L3MBTL4: variants seen among roughly 807,000 people sequenced by gnomAD.
L3MBTL4 encodes the protein lethal(3)malignant brain tumor-like protein 4.
L3MBTL4 carries 70 observed loss-of-function variants against 84.5 expected under a neutral mutation model. That is an observed-to-expected ratio of 0.83 (90% confidence interval 0.68 to 1.01). The LOEUF (loss-of-function observed/expected upper bound fraction) is 1.01. Among genes scored for constraint, L3MBTL4 ranks in the 50% least tolerant of loss-of-function variants. L3MBTL4 has a pLI of 0.00. For synonymous variants in L3MBTL4, 274 were observed against 259.8 expected, an observed-to-expected ratio of 1.05 and a Z score of -0.52; for missense variants, 715 against 754.8, an observed-to-expected ratio of 0.95 and a Z score of 0.62.
intron 1 of L3MBTL4, among the ~76,000 whole-genome samples, chr18:6,411,530 T>G (rs1457697589): frequency 6.6e-6 from 1 of 152,196 alleles, no homozygotes; most frequent in Non-Finnish European, 1.5e-5. Flanking sequence ...TATTAGCAAC[T>G]GACAAGACTA....
chr18:6,100,451 T>C (rs1598746751), intron 14 of L3MBTL4, among the ~76,000 whole-genome samples: 1 of 152,238 alleles, frequency 6.6e-6, no homozygotes, highest in Admixed American at 6.5e-5. Context: ...AAGAGCTGCT[T>C]TAATTCTTGT....
chr18:6,083,180 C>G (rs1229461356), intron 15 of L3MBTL4, among the ~76,000 whole-genome samples: 1 of 152,160 alleles, frequency 6.6e-6, no homozygotes, highest in African/African-American at 2.4e-5. Context: ...GTACAGTTTA[C>G]TGATTATTTA....
intron 16 of L3MBTL4, among the ~76,000 whole-genome samples, chr18:6,051,623 C>T (rs976617451): frequency 7.9e-5 from 12 of 152,026 alleles, no homozygotes; most frequent in Admixed American, 7.9e-4. Context: ...TGATTGCGGC[C>T]CTTTCTTCAA....
At chr18:6,319,962 T>A (rs2051316621) in intron 1 of L3MBTL4, among the ~76,000 whole-genome samples, 3 of 152,148 alleles carry the variant, frequency 2.0e-5, no homozygotes, top group African/African-American at 7.2e-5. Flanking sequence ...GTGGGTTTTA[T>A]TCCAGAGACG....
chr18:6,393,345 G>C (rs191607261), intron 1 of L3MBTL4, among the ~76,000 whole-genome samples: 14 of 152,246 alleles, frequency 9.2e-5, no homozygotes. Flanking sequence ...CTGAGTCCAG[G>C]CTCCTGGATT....
At chr18:6,239,307 C>G (rs1183837808) in intron 9 of L3MBTL4, among the ~76,000 whole-genome samples, 1 of 145,308 alleles carries the variant, frequency 6.9e-6, no homozygotes, top group Non-Finnish European at 1.5e-5. Flanking sequence ...CGCCACTGCA[C>G]TCCAGCCTGG....
intron 1 of L3MBTL4, chr18:6,367,787 C>G (rs777261062): frequency 1.3e-5 from 2 of 152,376 alleles, no homozygotes; most frequent in South Asian, 4.2e-4. Flanking sequence ...CTAATGGTCA[C>G]AAAGGATGGT....
intron 16 of L3MBTL4, among the ~76,000 whole-genome samples, chr18:5,998,248 G>C (rs115542741): frequency 0.021 from 3,163 of 152,232 alleles, 113 homozygotes; most frequent in African/African-American, 0.073. Flanking sequence ...CACTTCATCT[G>C]AAAGAATTAC....
intron 4 of L3MBTL4, among the ~76,000 whole-genome samples, chr18:6,289,805 T>A (rs1358158913): frequency 6.6e-6 from 1 of 152,166 alleles, no homozygotes; most frequent in African/African-American, 2.4e-5. Flanking sequence ...TCATGCAGTA[T>A]AACTTGATTC....
intron 4 of L3MBTL4, among the ~76,000 whole-genome samples, chr18:6,266,522 C>T (rs1377760791): frequency 6.6e-6 from 1 of 152,160 alleles, no homozygotes; most frequent in Non-Finnish European, 1.5e-5. Context: ...TAAGATGCAC[C>T]TCTCACTAGA....
At chr18:6,106,652 A>G (rs1376880768) in intron 14 of L3MBTL4, among the ~76,000 whole-genome samples, 3 of 152,236 alleles carry the variant, frequency 2.0e-5, no homozygotes, top group African/African-American at 7.2e-5. Context: ...AAAAGGCTTT[A>G]AAGCTCTATC....
rs573785076 is a variant in L3MBTL4, at chr18:5,977,914, C to T, written c.1445-8352G>A. On this transcript the variant is annotated intron_variant, in intron 16 of 18. Transcript: ENST00000317931. ...CCCTGGGTACCCTGCCACTGGCTACCCTTTATGGAAATTGTCCATTTATTT... is the reference window on the plus strand; with the variant it reads ...CCCTGGGTACCCTGCCACTGGCTACTCTTTATGGAAATTGTCCATTTATTT... Among the ~76,000 whole-genome samples, 7 of 152,292 alleles carry T rather than the reference C, an allele frequency of 4.6e-5. No individual in the cohort carries two copies. The East Asian group carries it at 1.4e-3, about 29-fold the overall frequency.
chr18:6,321,383 G>GA (rs377632149), intron 1 of L3MBTL4, among the ~76,000 whole-genome samples: 3 of 152,088 alleles, frequency 2.0e-5, no homozygotes, highest in South Asian at 2.1e-4. Flanking sequence ...AAGTCAGCAA[G>GA]AAAAAAACAA....
chr18:6,301,004 G>C (rs764289931), intron 4 of L3MBTL4, among the ~76,000 whole-genome samples: 8 of 152,040 alleles, frequency 5.3e-5, no homozygotes, highest in Non-Finnish European at 1.0e-4. Context: ...CCACCCATTT[G>C]TTTAAAATAA....
chr18:6,299,726 G>C (rs2050251711), intron 4 of L3MBTL4, among the ~76,000 whole-genome samples: 1 of 152,138 alleles, frequency 6.6e-6, no homozygotes, highest in African/African-American at 2.4e-5. Context: ...CTGGAGTGCA[G>C]GGACAAGATC....
chr18:6,190,269 G>C (rs2045008793), intron 12 of L3MBTL4, among the ~76,000 whole-genome samples: 1 of 152,186 alleles, frequency 6.6e-6, no homozygotes. Context: ...CTCTGGAAAG[G>C]TATGGGAAAG....
intron 16 of L3MBTL4, chr18:6,030,082 G>A (rs1295497754): frequency 2.0e-6 from 2 of 984,176 alleles, no homozygotes; most frequent in African/African-American, 3.5e-5. Flanking sequence ...ATTGCTAAAG[G>A]ACACGAGGAA....
At chr18:6,322,496 A>AGGAAGGAAGGAG (rs2051471198) in intron 1 of L3MBTL4, among the ~76,000 whole-genome samples, 1 of 142,836 alleles carries the variant, frequency 7.0e-6, no homozygotes, top group Non-Finnish European at 1.5e-5. Context: ...GAAGGAAGGA[A>AGGAAGGAAGGAG]GGAAGGAAAG....
At chr18:6,255,015 C>G (rs1258553021) in intron 5 of L3MBTL4, among the ~76,000 whole-genome samples, 1 of 152,188 alleles carries the variant, frequency 6.6e-6, no homozygotes, top group African/African-American at 2.4e-5. Flanking sequence ...AATAACTTCT[C>G]AAATTGTTTG....
Sources: gnomAD v4.1 joint callset for allele counts (sites outside exome capture counted in the v4.1 genomes callset) on GRCh38, gnomAD v4.1.1 for gene constraint, MANE v1.5 for transcripts, NCBI Gene and HGNC (gene_info 2026-07-23, HGNC 2026-07-21) for gene names.